FAM81B: variants seen among roughly 807,000 people sequenced by gnomAD.
The protein encoded by FAM81B is protein FAM81B.
A neutral mutation model predicts 58.7 loss-of-function variants in FAM81B; 60 were observed. That is an observed-to-expected ratio of 1.02 (90% CI 0.83 to 1.27). The LOEUF is 1.27. Among genes scored for constraint, FAM81B ranks in the 50% most tolerant of loss-of-function variants. The pLI is 0.00. For missense variants in FAM81B, 491 were observed against 522.0 expected, an observed-to-expected ratio of 0.94 and a Z score of 0.58; for synonymous variants, 189 against 179.6, an observed-to-expected ratio of 1.05 and a Z score of -0.42.
intron 2 of FAM81B, among the ~76,000 whole-genome samples, chr5:95,394,065 G>A (rs33893): frequency 0.77 from 116,660 of 151,942 alleles, 44,923 homozygotes; most frequent in East Asian, 0.85. Flanking sequence ...GCCAACATCA[G>A]TGGCTTTTGT....
chr5:95,408,647 G>A (rs892489336), intron 3 of FAM81B, among the ~76,000 whole-genome samples: 8 of 152,098 alleles, frequency 5.3e-5, no homozygotes, highest in Non-Finnish European at 8.8e-5. Context: ...GGGTAAACTC[G>A]GACAAAAGTT....
chr5:95,424,079 G>C, intron 5 of FAM81B: 1 of 1,289,772 alleles, frequency 7.8e-7, no homozygotes, highest in South Asian at 1.2e-5. Flanking sequence ...TTATACCTGA[G>C]AGAAACTGGC....
intron 4 of FAM81B, 97 bp from the exon 5 acceptor site, chr5:95,420,187 T>C: frequency 1.3e-6 from 2 of 1,487,216 alleles, no homozygotes; most frequent in Non-Finnish European, 1.8e-6. Flanking sequence ...ATCAGCCTAA[T>C]TACAAAATGC....
At chr5:95,426,944 G>A (rs1170482726) in intron 5 of FAM81B, among the ~76,000 whole-genome samples, 1 of 152,212 alleles carries the variant, frequency 6.6e-6, no homozygotes, top group African/African-American at 2.4e-5. Flanking sequence ...AGCTACTCGG[G>A]AGGGTGAGGC....
At chr5:95,418,582 T>C (rs1346697775) in intron 4 of FAM81B, among the ~76,000 whole-genome samples, 2 of 152,208 alleles carry the variant, frequency 1.3e-5, no homozygotes, top group African/African-American at 4.8e-5. Context: ...TTTTAGATAT[T>C]GTTAATCTCT....
chr5:95,424,066 C>T (rs948057267), intron 5 of FAM81B: 33 of 1,289,526 alleles, frequency 2.6e-5, no homozygotes, highest in Middle Eastern at 2.1e-4. Context: ...CCTCCTTGCC[C>T]GCTTATACCT....
chr5:95,442,333 G>A (rs1180062821), intron 7 of FAM81B, among the ~76,000 whole-genome samples: 1 of 152,156 alleles, frequency 6.6e-6, no homozygotes, highest in Non-Finnish European at 1.5e-5. Flanking sequence ...TCAATAGGCA[G>A]AAATAATAAA....
chr5:95,440,227 C>A (rs1489244579), intron 7 of FAM81B: 1 of 675,532 alleles, frequency 1.5e-6, no homozygotes. Context: ...CTCGGTCTAG[C>A]TGTGAGGCTT....
intron 4 of FAM81B, among the ~76,000 whole-genome samples, chr5:95,416,514 A>T (rs1237241128): frequency 2.0e-5 from 3 of 152,230 alleles, no homozygotes; most frequent in Non-Finnish European, 4.4e-5. Context: ...TACAAAAGCA[A>T]TACTTGTTCA....
chr5:95,423,998 G>A (rs1181963243), intron 5 of FAM81B: 61 of 1,288,118 alleles, frequency 4.7e-5, no homozygotes, highest in African/African-American at 6.1e-5. Context: ...CCAAACAGCC[G>A]GGAGGTATAG....
intron 1 of FAM81B, among the ~76,000 whole-genome samples, 159 bp downstream of exon 1, chr5:95,391,672 A>AC (rs377192375): frequency 2.0e-5 from 3 of 151,832 alleles, no homozygotes; most frequent in Admixed American, 6.6e-5. Context: ...AGAAAAAAAA[A>AC]CCCCATCAAA....
intron 6 of FAM81B, among the ~76,000 whole-genome samples, chr5:95,429,107 T>C (rs1744755134): frequency 6.6e-6 from 1 of 152,192 alleles, no homozygotes; most frequent in Non-Finnish European, 1.5e-5. Context: ...TAAATGTGAA[T>C]TGTTCATGTT....
chr5:95,434,518 C>G (rs1335795909), intron 6 of FAM81B, among the ~76,000 whole-genome samples: 1 of 152,176 alleles, frequency 6.6e-6, no homozygotes, highest in East Asian at 1.9e-4. Context: ...CTTGGATAAT[C>G]CAGAATAATC....
At chr5:95,393,401 T>C (rs1031583978) in intron 2 of FAM81B, among the ~76,000 whole-genome samples, 40 of 152,286 alleles carry the variant, frequency 2.6e-4, no homozygotes, top group Admixed American at 1.0e-3. Context: ...ATATCAAACA[T>C]TGATTTTTGG....
intron 3 of FAM81B, among the ~76,000 whole-genome samples, chr5:95,403,941 C>G (rs775952147): frequency 6.6e-6 from 1 of 152,044 alleles, no homozygotes; most frequent in Non-Finnish European, 1.5e-5. Flanking sequence ...TCAAGTCAGG[C>G]AGAAGTTGGG....
At chr5:95,438,605 C>G (rs1745193901) in intron 7 of FAM81B, among the ~76,000 whole-genome samples, 1 of 152,008 alleles carries the variant, frequency 6.6e-6, no homozygotes, top group South Asian at 2.1e-4. Flanking sequence ...AAACTTGACT[C>G]TTTTTCTCAC....
At chr5:95,436,468 A>G (rs1452790773) in intron 6 of FAM81B, among the ~76,000 whole-genome samples, 1 of 152,252 alleles carries the variant, frequency 6.6e-6, no homozygotes, top group Non-Finnish European at 1.5e-5. Context: ...AGAAGTAGAA[A>G]TATAATCAAA....
At chr5:95,433,039 C>A (rs546825546) in intron 6 of FAM81B, among the ~76,000 whole-genome samples, 40 of 152,198 alleles carry the variant, frequency 2.6e-4, no homozygotes, top group Middle Eastern at 3.4e-3. Flanking sequence ...TTATATCCCC[C>A]GGAGTTTAAC....
chr5:95,418,933 A>G (rs1762607923), intron 4 of FAM81B, among the ~76,000 whole-genome samples: 1 of 152,092 alleles, frequency 6.6e-6, no homozygotes, highest in African/African-American at 2.4e-5. Context: ...TCCCCCATTG[A>G]TTTATGAATT....
Sources: gnomAD v4.1 joint callset for allele counts (sites outside exome capture counted in the v4.1 genomes callset) on GRCh38, gnomAD v4.1.1 for gene constraint, MANE v1.5 for transcripts, NCBI Gene and HGNC (gene_info 2026-07-23, HGNC 2026-07-21) for gene names.